The following ARFGEF1 variants were observed in gnomAD, a reference collection of about 807,000 sequenced individuals.
ARFGEF1 encodes brefeldin A-inhibited guanine nucleotide-exchange protein 1.
In ARFGEF1, 42 loss-of-function variants were observed where a neutral mutation model predicts 231.0. That is an observed-to-expected ratio of 0.18 (90% CI 0.14 to 0.24). ARFGEF1 has a LOEUF of 0.24. Ranked by LOEUF, ARFGEF1 falls within the 10% of genes least tolerant of loss-of-function variation. The pLI, the probability that ARFGEF1 is intolerant of heterozygous loss-of-function variation, is 1.00. For synonymous variants in ARFGEF1, 710 were observed against 732.3 expected (o/e 0.97, Z 0.49); for missense variants, 1,345 against 2,192.0 (o/e 0.61, Z 7.72).
rs371941865 is a variant in ARFGEF1 at position 67,239,377 on chromosome 8, T to TA, written c.2980-485dup. On this transcript the variant is annotated intron_variant, in intron 20 of 38. Transcript: ENST00000262215. ...TAAGTTCAGTAACTTGTAAGTTTAG[T>TA]AAGTTTTACTTGTCATGAATTACAT... is the stretch of plus-strand genomic sequence containing the variant. 1.3e-4 allele frequency among the ~76,000 whole-genome samples: 20 copies of TA among 152,288 alleles called. 1 individual carries two copies. Among genetic ancestry groups the TA allele is most frequent in the African/African-American group, 4.3e-4 (18 of 41,552 alleles).
At chr8:67,230,512 T>A (rs1437121198) in intron 23 of ARFGEF1, among the ~76,000 whole-genome samples, 1 of 152,008 alleles carries the variant, frequency 6.6e-6, no homozygotes, top group South Asian at 2.1e-4. Context: ...AATGAATATA[T>A]CAGAGGTAAC....
intron 5 of ARFGEF1, 45 bp downstream of exon 5, chr8:67,296,386 T>C: frequency 1.9e-6 from 3 of 1,557,922 alleles, no homozygotes; most frequent in Non-Finnish European, 1.8e-6. Context: ...CTATGTTTAA[T>C]GCCTGTTGTG....
chr8:67,281,581 G>A (rs1408030795), intron 7 of ARFGEF1, among the ~76,000 whole-genome samples: 1 of 151,856 alleles, frequency 6.6e-6, no homozygotes, highest in African/African-American at 2.4e-5. Context: ...AACATTTTCT[G>A]GAGCTTCTAG....
rs938500579 is a variant in ARFGEF1, at chr8:67,233,014, C to G, written c.3290-69G>C. 2.4e-6 allele frequency: 3 copies of G among 1,231,320 alleles called. No individual in the cohort carries two copies. In the African/African-American group the frequency reaches 4.6e-5, roughly 19 times the overall value. The allele number at this position is 1,231,320 out of a possible 1,614,324, so 76.3% of individuals were successfully genotyped here. On this transcript the variant is annotated intron_variant, in intron 22 of 38. Coordinates refer to ENST00000262215, the MANE Select transcript of ARFGEF1 (RefSeq NM_006421.5). ...AGTAGAAGAATACACTTAACAAGTT[C>G]TAAAACATACTTCTGAAATCAACTG...
intron 15 of ARFGEF1, among the ~76,000 whole-genome samples, chr8:67,258,552 CCTCAGGTA>C (rs1162187529): frequency 2.0e-5 from 3 of 151,894 alleles, no homozygotes; most frequent in African/African-American, 7.3e-5. Flanking sequence ...GGTCTCCTGA[CCTCAGGTA>C]ATCTACCCGC....
chr8:67,173,908 T>C (rs1831000097), downstream of ARFGEF1: 1 of 152,230 alleles, frequency 6.6e-6, no homozygotes, highest in Non-Finnish European at 1.5e-5. Flanking sequence ...GTATATAGAT[T>C]GGCCAGAGAC....
At chr8:67,277,150 TTTC>T in intron 8 of ARFGEF1, 129 bp downstream of exon 8, 1 of 923,812 alleles carries the variant, frequency 1.1e-6, no homozygotes. Flanking sequence ...AAACCCCAAG[TTTC>T]TTATTTCCCC....
intron 6 of ARFGEF1, among the ~76,000 whole-genome samples, chr8:67,289,995 G>T (rs975908900): frequency 6.6e-6 from 1 of 152,086 alleles, no homozygotes; most frequent in Non-Finnish European, 1.5e-5. Context: ...GAATAACAAT[G>T]ACTAATATTT....
intron 20 of ARFGEF1, among the ~76,000 whole-genome samples, chr8:67,239,537 TA>T (rs564176207): frequency 6.3e-4 from 92 of 146,424 alleles, no homozygotes; most frequent in East Asian, 2.4e-3. Context: ...ATTCACACAG[TA>T]AAAAAAAAAA....
intron 1 of ARFGEF1, among the ~76,000 whole-genome samples, chr8:67,322,960 A>C (rs1367658284): frequency 6.6e-6 from 1 of 152,204 alleles, no homozygotes; most frequent in African/African-American, 2.4e-5. Flanking sequence ...AATGTTTTCC[A>C]AAGAAAGCAA....
At chr8:67,202,752 A>T (rs138993154) in intron 36 of ARFGEF1, among the ~76,000 whole-genome samples, 8 of 152,310 alleles carry the variant, frequency 5.3e-5, no homozygotes, top group African/African-American at 1.7e-4. Context: ...TGTGTGTGCG[A>T]CTTTTACACA....
chr8:67,291,744 A>T lies in ARFGEF1; in HGVS notation c.916+103T>A, dbSNP rs185959884. The T allele has an allele frequency of 5.6e-4, 797 of 1,433,144 alleles. 3 individuals are homozygous for T. The Middle Eastern group carries it at 6.8e-3, about 12-fold the overall frequency. The allele number at this position is 1,433,144 out of a possible 1,614,324, so 88.8% of individuals were successfully genotyped here. A position where few individuals can be genotyped will look rare whatever the true frequency, so the allele number is the denominator to read the frequency against. ...ACAATTACCACAATGTGTCTGACAC[A>T]CTTATTAAATCATATTATCCTTTCA... is the stretch of plus-strand genomic sequence containing the variant. On this transcript the variant is annotated intron_variant, in intron 6 of 38. Transcript: ENST00000262215.
intron 1 of ARFGEF1, among the ~76,000 whole-genome samples, chr8:67,304,750 C>T (rs1261150917): frequency 1.3e-5 from 2 of 152,216 alleles, no homozygotes; most frequent in African/African-American, 2.4e-5. Context: ...ACCCAGGAAG[C>T]GGAAGCTGCA....
chr8:67,198,800 G>C lies in ARFGEF1; in HGVS notation c.*134C>G. 2.1e-6 allele frequency: 3 copies of C among 1,453,706 alleles called. No individual in the cohort carries two copies. The highest frequency in any genetic ancestry group is 2.7e-6 in the Non-Finnish European group (3 of 1,107,356). The allele number at this position is 1,453,706 out of a possible 1,614,324, so 90.1% of individuals were successfully genotyped here. On this transcript the variant is annotated 3_prime_UTR_variant, in exon 39 of 39. Coordinates refer to ENST00000262215, the MANE Select transcript of ARFGEF1 (RefSeq NM_006421.5). ...ACTGGAGTGTTGCAAGTTTGAGTAA[G>C]ACTTCTAAGCATCTTTACCAGTAAC...
chr8:67,239,193 A>C (rs1250057560), intron 20 of ARFGEF1, among the ~76,000 whole-genome samples: 1 of 151,754 alleles, frequency 6.6e-6, no homozygotes, highest in Non-Finnish European at 1.5e-5. Flanking sequence ...TCTTTAGTAG[A>C]GACGGGGTTT....
At chr8:67,335,842 G>A (rs1384001805) in intron 1 of ARFGEF1, among the ~76,000 whole-genome samples, 2 of 151,880 alleles carry the variant, frequency 1.3e-5, no homozygotes, top group Admixed American at 6.6e-5. Flanking sequence ...CGCCTTCCAG[G>A]TTCAAGCGAT....
At chr8:67,316,680 G>A (rs1807332971) in intron 1 of ARFGEF1, among the ~76,000 whole-genome samples, 1 of 152,016 alleles carries the variant, frequency 6.6e-6, no homozygotes, top group Admixed American at 6.6e-5. Flanking sequence ...GGCTGGTCTT[G>A]AACTCCTGGG....
intron 1 of ARFGEF1, 114 bp downstream of exon 1, chr8:67,343,050 C>G (rs1449122727): frequency 7.9e-7 from 1 of 1,272,620 alleles, no homozygotes; most frequent in Non-Finnish European, 1.1e-6. Context: ...GAGGGCTTCC[C>G]GAGGTCAGAG....
intron 19 of ARFGEF1, among the ~76,000 whole-genome samples, chr8:67,241,642 T>C (rs1379947621): frequency 5.3e-5 from 8 of 152,040 alleles, no homozygotes; most frequent in Non-Finnish European, 8.8e-5. Flanking sequence ...ATGGATAATA[T>C]GCAGGAACAA....
Sources: allele counts gnomAD v4.1 joint callset (sites outside exome capture counted in the v4.1 genomes callset), GRCh38; gene constraint gnomAD v4.1.1; transcripts MANE v1.5; gene names NCBI Gene and HGNC (gene_info 2026-07-23, HGNC 2026-07-21).